RHOBTB1: variants seen among roughly 807,000 people sequenced by gnomAD.
RHOBTB1 encodes the protein rho-related BTB domain-containing protein 1.
Under a neutral mutation model 71.6 loss-of-function variants are expected in RHOBTB1, and 40 were observed. The observed-to-expected ratio is 0.56, with a 90% CI of 0.43 to 0.73. The LOEUF (loss-of-function observed/expected upper bound fraction) is 0.73. Ranked by LOEUF, RHOBTB1 falls within the 30% of genes least tolerant of loss-of-function variation. RHOBTB1 has a pLI of 0.00. For synonymous variants in RHOBTB1, 319 were observed against 334.9 expected, an observed-to-expected ratio of 0.95 and a Z score of 0.52; for missense variants, 797 against 894.0, an observed-to-expected ratio of 0.89 and a Z score of 1.38.
chr10:60,986,966 C>A (rs757584484), intron 1 of RHOBTB1, among the ~76,000 whole-genome samples: 1 of 152,094 alleles, frequency 6.6e-6, no homozygotes, highest in Non-Finnish European at 1.5e-5. Flanking sequence ...TGTTGATTGC[C>A]GGTGGCTCCA....
exon 1 of RHOBTB1, chr10:61,001,406 C>A (rs1194254146): frequency 6.6e-6 from 1 of 151,744 alleles, no homozygotes; most frequent in South Asian, 2.1e-4. Flanking sequence ...TACCTGGGGA[C>A]GCTGGAAGCT....
chr10:60,965,617 T>C (rs745440397), intron 2 of RHOBTB1, among the ~76,000 whole-genome samples: 3 of 152,200 alleles, frequency 2.0e-5, no homozygotes, highest in Non-Finnish European at 2.9e-5. Context: ...CCTCCATGTT[T>C]GACACAAAAT....
chr10:60,919,431 T>C lies in RHOBTB1; in HGVS notation c.-10-7879A>G, dbSNP rs193005694. Among the ~76,000 whole-genome samples the C allele has an allele frequency of 1.4e-4, 21 of 152,260 alleles. No homozygotes were observed. In the East Asian group the frequency reaches 4.1e-3, roughly 29 times the overall value. On this transcript the variant is annotated intron_variant, in intron 2 of 10. Transcript: ENST00000337910. ...ATTCTGAGCTTTTAATCAGCAGTTG[T>C]AGGTAGGTGGGAGCTGTTTCATACA...
chr10:60,991,712 T>C (rs754408801), intron 1 of RHOBTB1, among the ~76,000 whole-genome samples: 1 of 152,106 alleles, frequency 6.6e-6, no homozygotes, highest in African/African-American at 2.4e-5. Flanking sequence ...ATTACAGACA[T>C]GAGCCACCGC....
chr10:60,905,162 A>C (rs1054099602), intron 4 of RHOBTB1, among the ~76,000 whole-genome samples: 1 of 152,000 alleles, frequency 6.6e-6, no homozygotes, highest in African/African-American at 2.4e-5. Context: ...AAAAAAAAAA[A>C]AATTCAGGCT....
chr10:60,877,692 C>G (rs918703487), intron 8 of RHOBTB1, among the ~76,000 whole-genome samples: 2 of 152,214 alleles, frequency 1.3e-5, no homozygotes, highest in Non-Finnish European at 2.9e-5. Flanking sequence ...GCTGTATCAC[C>G]TAACAGGGCC....
chr10:60,997,082 C>A (rs1407558778), intron 1 of RHOBTB1, among the ~76,000 whole-genome samples: 1 of 151,854 alleles, frequency 6.6e-6, no homozygotes. Flanking sequence ...CACACACACA[C>A]ACACACACAC....
intron 1 of RHOBTB1, among the ~76,000 whole-genome samples, chr10:60,986,407 A>ATATAT (rs2086663387): frequency 1.0e-5 from 1 of 95,470 alleles, no homozygotes; most frequent in South Asian, 3.3e-4. Context: ...AATAAAAGAT[A>ATATAT]TATATATATA....
chr10:60,901,881 G>T (rs2082428813), intron 4 of RHOBTB1, among the ~76,000 whole-genome samples: 1 of 152,204 alleles, frequency 6.6e-6, no homozygotes. Flanking sequence ...CACTCCTGTG[G>T]ACTCTCTTGG....
chr10:60,906,214 C>T (rs905771305), intron 4 of RHOBTB1, among the ~76,000 whole-genome samples: 1 of 152,168 alleles, frequency 6.6e-6, no homozygotes, highest in Non-Finnish European at 1.5e-5. Flanking sequence ...TTGGGGAAAA[C>T]ATGCCAAGAT....
chr10:60,948,859 C>A (rs186269142), upstream of RHOBTB1, among the ~76,000 whole-genome samples: 10 of 152,324 alleles, frequency 6.6e-5, no homozygotes, highest in African/African-American at 2.2e-4. Flanking sequence ...ACTGCTCATG[C>A]TTATGGATTT....
At chr10:60,892,741 A>G in intron 5 of RHOBTB1, 69 bp downstream of exon 5, 3 of 1,367,832 alleles carry the variant, frequency 2.2e-6, no homozygotes, top group Non-Finnish European at 3.0e-6. Flanking sequence ...ACACCAGGCT[A>G]CAGAGACACC....
intron 8 of RHOBTB1, among the ~76,000 whole-genome samples, chr10:60,875,577 C>T (rs1486655340): frequency 6.6e-6 from 1 of 152,204 alleles, no homozygotes; most frequent in Non-Finnish European, 1.5e-5. Context: ...CCACTCACAT[C>T]ACTGCAATCC....
chr10:60,898,230 G>A (rs1331756486), intron 4 of RHOBTB1, among the ~76,000 whole-genome samples: 1 of 152,088 alleles, frequency 6.6e-6, no homozygotes, highest in African/African-American at 2.4e-5. Context: ...TCCCCCTCTG[G>A]CAAAGATTCA....
chr10:60,990,634 C>G (rs115029484), intron 1 of RHOBTB1, among the ~76,000 whole-genome samples: 6 of 152,176 alleles, frequency 3.9e-5, no homozygotes, highest in Non-Finnish European at 7.3e-5. Flanking sequence ...TCCTCTGCCC[C>G]CCATGACCCA....
At chr10:60,901,765 A>T (rs1410175945) in intron 4 of RHOBTB1, among the ~76,000 whole-genome samples, 12 of 152,252 alleles carry the variant, frequency 7.9e-5, no homozygotes. Context: ...GTTATTAAGC[A>T]GTAATAGAAA....
chr10:60,981,781 T>G (rs575411130), intron 2 of RHOBTB1, among the ~76,000 whole-genome samples: 1 of 152,320 alleles, frequency 6.6e-6, no homozygotes, highest in Admixed American at 6.5e-5. Context: ...GTTACTTTTT[T>G]TTTTTAACAC....
intron 1 of RHOBTB1, among the ~76,000 whole-genome samples, chr10:61,000,684 C>T (rs2087231932): frequency 6.6e-6 from 1 of 151,254 alleles, no homozygotes. Context: ...TTTTTAATTC[C>T]CAAGTGTTAA....
intron 2 of RHOBTB1, among the ~76,000 whole-genome samples, chr10:60,913,351 ACAGT>A (rs1306744287): frequency 7.9e-5 from 12 of 152,160 alleles, no homozygotes; most frequent in Admixed American, 7.8e-4. Context: ...GAGGCTCAAA[ACAGT>A]CAGATACCTG....
Sources: allele counts gnomAD v4.1 joint callset (sites outside exome capture counted in the v4.1 genomes callset), GRCh38; gene constraint gnomAD v4.1.1; transcripts MANE v1.5; gene names NCBI Gene and HGNC (gene_info 2026-07-23, HGNC 2026-07-21).